Variants in SLC35D4 observed in about 807,000 individuals in gnomAD.
The protein encoded by SLC35D4 is UDP-N-acetylglucosamine transporter SLC35D4.
chr18:23,427,019 A>C, the SLC35D4 span, among the ~76,000 whole-genome samples: 2 of 152,262 alleles, frequency 1.3e-5, no homozygotes, highest in African/African-American at 4.8e-5. Flanking sequence ...AAATTAATTC[A>C]AGATGGATTA....
At chr18:23,256,628 C>T in the SLC35D4 span, among the ~76,000 whole-genome samples, 1 of 151,968 alleles carries the variant, frequency 6.6e-6, no homozygotes, top group Non-Finnish European at 1.5e-5. Flanking sequence ...TTACAGGCGC[C>T]CACCGCCACG....
the SLC35D4 span, among the ~76,000 whole-genome samples, chr18:23,389,335 G>A: frequency 5.9e-5 from 9 of 151,992 alleles, no homozygotes; most frequent in African/African-American, 2.2e-4. Flanking sequence ...TAATACAGCT[G>A]GTAAGAACTA....
At chr18:23,245,508 A>G in the SLC35D4 span, among the ~76,000 whole-genome samples, 1 of 151,920 alleles carries the variant, frequency 6.6e-6, no homozygotes, top group Admixed American at 6.6e-5. Context: ...TGTCTCAAAA[A>G]AAAAAAAAAA....
the SLC35D4 span, among the ~76,000 whole-genome samples, chr18:23,367,000 T>C: frequency 6.6e-6 from 1 of 152,190 alleles, no homozygotes; most frequent in Non-Finnish European, 1.5e-5. Flanking sequence ...ACATATACCC[T>C]GTATATACTC....
At chr18:23,398,264 G>T in the SLC35D4 span, among the ~76,000 whole-genome samples, 1 of 152,116 alleles carries the variant, frequency 6.6e-6, no homozygotes, top group Non-Finnish European at 1.5e-5. Flanking sequence ...AAAAAGCACT[G>T]TATGAACAAA....
At chr18:23,424,823 C>T in the SLC35D4 span, among the ~76,000 whole-genome samples, 1 of 152,126 alleles carries the variant, frequency 6.6e-6, no homozygotes, top group African/African-American at 2.4e-5. Context: ...CACTGTACTC[C>T]AGCCTGGGTG....
chr18:23,295,824 C>T, the SLC35D4 span, among the ~76,000 whole-genome samples: 3 of 152,116 alleles, frequency 2.0e-5, no homozygotes, highest in African/African-American at 7.2e-5. Context: ...CCATCAATGA[C>T]GTGGATATTC....
the SLC35D4 span, among the ~76,000 whole-genome samples, chr18:23,270,929 G>A: frequency 6.6e-6 from 1 of 152,216 alleles, no homozygotes; most frequent in African/African-American, 2.4e-5. Context: ...TTAAGACTTT[G>A]GAAAACTGTT....
At chr18:23,346,117 A>G in the SLC35D4 span, among the ~76,000 whole-genome samples, 1 of 151,944 alleles carries the variant, frequency 6.6e-6, no homozygotes, top group Non-Finnish European at 1.5e-5. Flanking sequence ...AAAAAAAAAT[A>G]TTTTTAAAGT....
chr18:23,371,966 C>T, the SLC35D4 span, among the ~76,000 whole-genome samples: 2 of 26,264 alleles, frequency 7.6e-5, no homozygotes, highest in African/African-American at 1.4e-4. Context: ...GACGGAGTCT[C>T]GCTCTGTCGC....
chr18:23,357,773 A>G, the SLC35D4 span, among the ~76,000 whole-genome samples: 11 of 152,136 alleles, frequency 7.2e-5, no homozygotes, highest in Non-Finnish European at 1.5e-4. Context: ...TCTGAGTTCA[A>G]TTTCTTTGGA....
At chr18:23,428,075 G>T in the SLC35D4 span, among the ~76,000 whole-genome samples, 1 of 152,052 alleles carries the variant, frequency 6.6e-6, no homozygotes, top group African/African-American at 2.4e-5. Flanking sequence ...TGTAAATGAC[G>T]AGTTAATGGG....
the SLC35D4 span, among the ~76,000 whole-genome samples, chr18:23,261,466 A>C: frequency 6.6e-6 from 1 of 152,076 alleles, no homozygotes; most frequent in Non-Finnish European, 1.5e-5. Flanking sequence ...TACTGAAAAT[A>C]CAAAAAATTA....
At chr18:23,333,743 A>G in the SLC35D4 span, among the ~76,000 whole-genome samples, 1 of 152,250 alleles carries the variant, frequency 6.6e-6, no homozygotes, top group Non-Finnish European at 1.5e-5. Context: ...TGCTGACTGC[A>G]TCACTGAAAC....
At chr18:23,371,924 T>TTATTTGTTTTTTTTG in the SLC35D4 span, among the ~76,000 whole-genome samples, 10 of 248 alleles carry the variant, frequency 0.04, no homozygotes, top group Non-Finnish European at 0.096. Context: ...TATTTCTTCC[T>TTATTTGTTTTTTTTG]TGTTTTTTTT....
the SLC35D4 span, among the ~76,000 whole-genome samples, chr18:23,327,506 G>A: frequency 6.6e-6 from 1 of 152,130 alleles, no homozygotes; most frequent in African/African-American, 2.4e-5. Flanking sequence ...CCAGGAAGAA[G>A]TTGAATCTCT....
At chr18:23,263,018 T>C in the SLC35D4 span, among the ~76,000 whole-genome samples, 1 of 152,196 alleles carries the variant, frequency 6.6e-6, no homozygotes, top group African/African-American at 2.4e-5. Flanking sequence ...CAAGCAGATA[T>C]CATGCGCCAG....
At chr18:23,275,643 T>TGTGCGGTGCGGTGCGGTGCGGTGCG in the SLC35D4 span, among the ~76,000 whole-genome samples, 1 of 145,294 alleles carries the variant, frequency 6.9e-6, no homozygotes, top group East Asian at 1.9e-4. Context: ...TGTGCTGTGC[T>TGTGCGGTGCGGTGCGGTGCGGTGCG]GTGCTGTGCT....
chr18:23,267,517 C>A, the SLC35D4 span, among the ~76,000 whole-genome samples: 2 of 152,112 alleles, frequency 1.3e-5, no homozygotes, highest in African/African-American at 2.4e-5. Flanking sequence ...TTTCCTCCCC[C>A]CAGGACACTC....
Sources: allele counts gnomAD v4.1 joint callset (sites outside exome capture counted in the v4.1 genomes callset), GRCh38; gene constraint gnomAD v4.1.1; transcripts MANE v1.5; gene names NCBI Gene and HGNC (gene_info 2026-07-23, HGNC 2026-07-21).